USP24: variants seen among roughly 807,000 people sequenced by gnomAD.
USP24 encodes ubiquitin specific peptidase 24.
A neutral mutation model predicts 361.6 loss-of-function variants in USP24; 97 were observed. The observed-to-expected ratio is 0.27, with a 90% CI of 0.23 to 0.32. The LOEUF (loss-of-function observed/expected upper bound fraction) is 0.32, where lower values mean the gene tolerates loss of function less well. USP24 is among the 10% of genes least tolerant of loss of function. The probability of loss-of-function intolerance (pLI) is 1.00; values close to 1 mark genes in which losing one functional copy is unlikely to be tolerated. For missense variants in USP24, 2,353 were observed against 3,165.6 expected (o/e 0.74, Z 6.16); for synonymous variants, 1,098 against 1,124.6 (o/e 0.98, Z 0.47).
At chr1:55,129,453 G>GT in intron 32 of USP24, 24 bp downstream of exon 32, 1 of 1,602,776 alleles carries the variant, frequency 6.2e-7, no homozygotes, top group Non-Finnish European at 8.5e-7. Context: ...GGCAACTCAT[G>GT]TAACATTACA....
chr1:55,157,148 C>A lies in USP24; in HGVS notation c.1343-97G>T. On this transcript the variant is annotated intron_variant, in intron 11 of 67. Coordinates refer to ENST00000294383, the MANE Select transcript of USP24 (RefSeq NM_015306.3). ...TCAAAACAATAACTTACTATAAGATCATTTAAAGACTAATACAGTCAAAGC... is the reference window on the plus strand; with the variant it reads ...TCAAAACAATAACTTACTATAAGATAATTTAAAGACTAATACAGTCAAAGC... The A allele has an allele frequency of 6.6e-6, 9 of 1,355,780 alleles. No individual in the cohort carries two copies. In the South Asian group the frequency reaches 1.1e-4, roughly 17 times the overall value. 84.0% of individuals were successfully genotyped at this position (1,355,780 alleles called of 1,614,324 possible).
chr1:55,127,330 T>C (rs12741183), intron 32 of USP24, among the ~76,000 whole-genome samples: 6 of 152,180 alleles, frequency 3.9e-5, no homozygotes, highest in African/African-American at 1.4e-4. Flanking sequence ...TGGTTTTTTG[T>C]CCTTGCAATA....
chr1:55,113,904 T>C (rs1646028112), intron 38 of USP24, among the ~76,000 whole-genome samples: 1 of 152,214 alleles, frequency 6.6e-6, no homozygotes. Context: ...TTGGAAGTTC[T>C]GGCCAGGGCA....
intron 36 of USP24, among the ~76,000 whole-genome samples, chr1:55,122,799 T>C (rs1250842944): frequency 6.6e-6 from 1 of 152,264 alleles, no homozygotes; most frequent in East Asian, 1.9e-4. Context: ...TAGGATGATA[T>C]GGGCAGGATT....
chr1:55,147,908 A>T (rs757377181), intron 17 of USP24, 110 bp from the exon 18 acceptor site: 1 of 1,149,186 alleles, frequency 8.7e-7, no homozygotes, highest in South Asian at 1.7e-5. Context: ...CAAAGCAAAC[A>T]TAAGAATTTC....
intron 20 of USP24, among the ~76,000 whole-genome samples, chr1:55,145,588 T>C (rs575812993): frequency 1.4e-3 from 216 of 152,324 alleles, no homozygotes; most frequent in South Asian, 3.3e-3. Context: ...GAAGGTTACA[T>C]AATTTTGTGA....
At chr1:55,172,058 G>C (rs773559549) in intron 4 of USP24, among the ~76,000 whole-genome samples, 1 of 151,998 alleles carries the variant, frequency 6.6e-6, no homozygotes, top group Non-Finnish European at 1.5e-5. Context: ...ACCTGTTGGG[G>C]GAAAAGGCCA....
chr1:55,105,708 T>C (rs1645752077), intron 41 of USP24, among the ~76,000 whole-genome samples: 1 of 152,190 alleles, frequency 6.6e-6, no homozygotes, highest in African/African-American at 2.4e-5. Flanking sequence ...AAATTACTAC[T>C]GTAATAAATC....
chr1:55,112,969 T>G (rs1304772275), intron 38 of USP24, among the ~76,000 whole-genome samples: 2 of 152,154 alleles, frequency 1.3e-5, no homozygotes, highest in African/African-American at 2.4e-5. Context: ...GCATATATAT[T>G]TAGGATAGTT....
At position 55,083,728 on chromosome 1, in the gene USP24, A is replaced by T. The variant is rs762675268; in HGVS notation, c.6882+44T>A. 6 of 1,451,556 alleles carry T rather than the reference A, an allele frequency of 4.1e-6. No individual in the cohort carries two copies. In the East Asian group the frequency reaches 1.5e-4, roughly 36 times the overall value. 89.9% of individuals were successfully genotyped at this position (1,451,556 alleles called of 1,614,324 possible). A position where few individuals can be genotyped will look rare whatever the true frequency, so the allele number is the denominator to read the frequency against. ...CAGTCTAAAAATTTTTTAGAGTATA[A>T]ATCTTCTGTATTAGGAAAAGATATT... On this transcript the variant is annotated intron_variant, in intron 57 of 67. Coordinates refer to ENST00000294383, the MANE Select transcript of USP24 (RefSeq NM_015306.3).
intron 7 of USP24, among the ~76,000 whole-genome samples, chr1:55,164,368 T>C (rs575919203): frequency 6.6e-6 from 1 of 152,180 alleles, no homozygotes; most frequent in African/African-American, 2.4e-5. Flanking sequence ...CTTTCATTTC[T>C]TGTTTTGTAT....
Position 55,068,394 on chromosome 1 carries a change from T to C in USP24, c.*651A>G, listed in dbSNP as rs1166341232. On this transcript the variant is annotated 3_prime_UTR_variant, in exon 68 of 68. Transcript: ENST00000294383. ...CAGAAAAATATCTTCAAGAGCTTAGTATTTCCCAATTTTTGATCCTGATCC... is the reference window on the plus strand; with the variant it reads ...CAGAAAAATATCTTCAAGAGCTTAGCATTTCCCAATTTTTGATCCTGATCC... 1 of 152,214 alleles carries C rather than the reference T, an allele frequency of 6.6e-6. No individual in the cohort carries two copies. Among genetic ancestry groups the C allele is most frequent in the African/African-American group, 2.4e-5 (1 of 41,464 alleles). 9.4% of individuals were successfully genotyped at this position (152,214 alleles called of 1,614,324 possible).
At chr1:55,103,198 G>GA (rs1645683921) in intron 42 of USP24, among the ~76,000 whole-genome samples, 2 of 152,106 alleles carry the variant, frequency 1.3e-5, no homozygotes. Context: ...CTCATTACTG[G>GA]AATGGAATGA....
chr1:55,214,768 G>C, intron 1 of USP24, 22 bp downstream of exon 1: 5 of 1,217,952 alleles, frequency 4.1e-6, no homozygotes, highest in Non-Finnish European at 5.2e-6. Context: ...TCCCACAGAG[G>C]TCTGGGGTTG....
At chr1:55,101,070 G>A (rs1178780572) in intron 43 of USP24, 106 bp from the exon 44 acceptor site, 3 of 1,326,948 alleles carry the variant, frequency 2.3e-6, no homozygotes, top group South Asian at 1.6e-5. Context: ...AGAATGTTAT[G>A]TATGTTTGGA....
At chr1:55,158,853 T>C (rs576319772) in intron 10 of USP24, 25 bp downstream of exon 10, 6 of 1,465,158 alleles carry the variant, frequency 4.1e-6, no homozygotes, top group South Asian at 1.5e-5. Flanking sequence ...GCATTAAGTC[T>C]TGTAGAAACA....
At chr1:55,120,880 G>C (rs1020108439) in intron 37 of USP24, 124 bp from the exon 38 acceptor site, 1 of 1,217,862 alleles carries the variant, frequency 8.2e-7, no homozygotes, top group East Asian at 2.7e-5. Context: ...ATACTAGAAA[G>C]GTATGAGTGT....
Position 55,083,903 on chromosome 1 carries a change from G to T in USP24, c.6766-15C>A. On this transcript the variant is annotated splice_polypyrimidine_tract_variant and intron_variant, in intron 56 of 67. Transcript: ENST00000294383. ...AGGCTTTTTAACTGGTTAGAGGAAA[G>T]ATAAAATTACATGAAGAAAAAGAAC... 1 of 1,548,190 alleles carries T rather than the reference G, an allele frequency of 6.5e-7. No homozygotes were observed. The highest frequency in any genetic ancestry group is 8.8e-7 in the Non-Finnish European group (1 of 1,140,438).
At position 55,173,856 on chromosome 1, in the gene USP24, G is replaced by C. The variant is rs551434398; in HGVS notation, c.559-1336C>G. On this transcript the variant is annotated intron_variant, in intron 3 of 67. Coordinates refer to ENST00000294383, the MANE Select transcript of USP24 (RefSeq NM_015306.3). ...TTAAATAATAAAGCAAAACAAAGCA[G>C]AGATTACCAATTAAGAAGCTTCAAG... 6.6e-5 allele frequency among the ~76,000 whole-genome samples: 10 copies of C among 152,272 alleles called. No homozygotes were observed. The South Asian group carries it at 1.2e-3, about 19-fold the overall frequency.
Sources: gnomAD v4.1 joint callset for allele counts (sites outside exome capture counted in the v4.1 genomes callset) on GRCh38, gnomAD v4.1.1 for gene constraint, MANE v1.5 for transcripts, NCBI Gene and HGNC (gene_info 2026-07-23, HGNC 2026-07-21) for gene names.